Variants in NFIB observed in about 807,000 individuals in gnomAD.
NFIB encodes nuclear factor I B.
In NFIB, 11 loss-of-function variants were observed where a neutral mutation model predicts 61.5. The ratio of observed to expected loss-of-function variants is 0.18; its 90% CI spans 0.11 to 0.30. The LOEUF (loss-of-function observed/expected upper bound fraction) is 0.30, where lower values mean the gene tolerates loss of function less well. Ranked by LOEUF, NFIB falls within the 10% of genes least tolerant of loss-of-function variation. The pLI, the probability that NFIB is intolerant of heterozygous loss-of-function variation, is 1.00. For missense variants in NFIB, 471 were observed against 608.9 expected (o/e 0.77, Z 2.38); for synonymous variants, 260 against 216.5 (o/e 1.20, Z -1.76).
chr9:14,245,682 G>A (rs565865188), intron 2 of NFIB, among the ~76,000 whole-genome samples: 5 of 152,032 alleles, frequency 3.3e-5, no homozygotes, highest in African/African-American at 1.2e-4. Flanking sequence ...AGACCAACCT[G>A]GCCAACATGG....
At chr9:14,411,039 A>C in the NFIB span, among the ~76,000 whole-genome samples, 79,039 of 152,026 alleles carry the variant, frequency 0.52, 21,008 homozygotes, top group Admixed American at 0.66. Flanking sequence ...CTTTAAAAAA[A>C]TCTCAATTAG....
chr9:14,397,216 T>C (rs1458804454), intron 1 of NFIB, among the ~76,000 whole-genome samples: 2 of 152,208 alleles, frequency 1.3e-5, no homozygotes, highest in African/African-American at 2.4e-5. Context: ...AAAATTGCTG[T>C]TGTCATGTTC....
intron 1 of NFIB, among the ~76,000 whole-genome samples, chr9:14,352,370 C>T (rs547332626): frequency 1.2e-4 from 18 of 151,782 alleles, no homozygotes; most frequent in Non-Finnish European, 2.2e-4. Context: ...TACCTGTCTC[C>T]GGGCTCAGCA....
In NFIB at chr9:14,083,061, T is replaced by C. The variant is rs912313591; in HGVS notation, c.*5248A>G. On this transcript the variant is annotated 3_prime_UTR_variant, in exon 11 of 11. Coordinates refer to ENST00000380953, the MANE Select transcript of NFIB (RefSeq NM_001190737.2). ...ACATTTGAATTGCAACACACAGATA[T>C]TTCTAGAGTATTAACTAGTGAACCC... The C allele has an allele frequency of 4.8e-6, 1 of 208,164 alleles. No individual in the cohort carries two copies. Among genetic ancestry groups the C allele is most frequent in the Non-Finnish European group, 9.7e-6 (1 of 103,166 alleles). 12.9% of individuals were successfully genotyped at this position (208,164 alleles called of 1,614,324 possible).
chr9:14,484,485 T>A, the NFIB span, among the ~76,000 whole-genome samples: 2 of 152,232 alleles, frequency 1.3e-5, no homozygotes, highest in African/African-American at 2.4e-5. Context: ...CTGCAAAATA[T>A]GTGTTTTTAT....
chr9:14,121,917 A>C (rs968461126), intron 7 of NFIB, among the ~76,000 whole-genome samples: 11 of 151,964 alleles, frequency 7.2e-5, no homozygotes, highest in Non-Finnish European at 1.3e-4. Flanking sequence ...AAAGAGTGTA[A>C]TCGTATGATC....
intron 2 of NFIB, among the ~76,000 whole-genome samples, chr9:14,245,514 G>A (rs188286607): frequency 2.6e-5 from 4 of 151,764 alleles, no homozygotes; most frequent in Admixed American, 2.6e-4. Flanking sequence ...TTGCTCTCAA[G>A]GTTCTTCAAG....
chr9:14,223,706 T>C (rs2052003882), intron 2 of NFIB, among the ~76,000 whole-genome samples: 1 of 152,160 alleles, frequency 6.6e-6, no homozygotes, highest in Admixed American at 6.5e-5. Context: ...TAGAGGCCAA[T>C]CTAATTTCAA....
At chr9:14,481,195 G>GTATATA in the NFIB span, among the ~76,000 whole-genome samples, 9 of 35,002 alleles carry the variant, frequency 2.6e-4, no homozygotes, top group African/African-American at 7.4e-4. Flanking sequence ...GTGTGTGTGT[G>GTATATA]TGTATATATA....
intron 2 of NFIB, among the ~76,000 whole-genome samples, chr9:14,231,255 T>C (rs1000824123): frequency 6.7e-6 from 1 of 150,214 alleles, no homozygotes; most frequent in Non-Finnish European, 1.5e-5. Context: ...AGAAAAACTA[T>C]TTGCTCCTGA....
intron 1 of NFIB, among the ~76,000 whole-genome samples, chr9:14,391,663 C>T (rs1290422224): frequency 1.3e-5 from 2 of 152,154 alleles, no homozygotes; most frequent in Non-Finnish European, 2.9e-5. Context: ...CATGTGGCCC[C>T]TCCAAAGTGC....
At chr9:14,217,523 G>T (rs1442900087) in intron 2 of NFIB, among the ~76,000 whole-genome samples, 1 of 151,964 alleles carries the variant, frequency 6.6e-6, no homozygotes, top group Non-Finnish European at 1.5e-5. Flanking sequence ...GGCTGGGCGT[G>T]GTGGCGCATG....
At chr9:14,331,505 TGGATATAGCCA>T (rs373212990) in intron 1 of NFIB, among the ~76,000 whole-genome samples, 171 of 152,346 alleles carry the variant, frequency 1.1e-3, no homozygotes, top group African/African-American at 4.0e-3. Context: ...ATTTAAGTTT[TGGATATAGCCA>T]GGATTCATTC....
At chr9:14,373,153 A>T (rs2061378392) in intron 1 of NFIB, among the ~76,000 whole-genome samples, 1 of 152,206 alleles carries the variant, frequency 6.6e-6, no homozygotes, top group Non-Finnish European at 1.5e-5. Flanking sequence ...TTGGAACACC[A>T]AAAGATTCAT....
intron 6 of NFIB, among the ~76,000 whole-genome samples, chr9:14,143,827 T>TA: frequency 6.6e-6 from 1 of 152,226 alleles, no homozygotes; most frequent in East Asian, 1.9e-4. Flanking sequence ...TGCAAATTTT[T>TA]AAAAAGCAAT....
chr9:14,135,029 A>C (rs1325427104), intron 6 of NFIB, among the ~76,000 whole-genome samples: 7 of 152,160 alleles, frequency 4.6e-5, no homozygotes, highest in Non-Finnish European at 1.5e-5. Flanking sequence ...ATTCATAGAA[A>C]TAGAACGCAC....
intron 3 of NFIB, among the ~76,000 whole-genome samples, chr9:14,177,651 T>C (rs1292796187): frequency 6.6e-6 from 1 of 152,124 alleles, no homozygotes; most frequent in Non-Finnish European, 1.5e-5. Context: ...AAAAATAGAA[T>C]CAACGTACGA....
chr9:14,130,976 G>C (rs1393497100), intron 6 of NFIB, among the ~76,000 whole-genome samples: 1 of 152,170 alleles, frequency 6.6e-6, no homozygotes, highest in Non-Finnish European at 1.5e-5. Context: ...AAACCACGTG[G>C]TCCCTGTCTT....
chr9:14,433,044 TA>T, the NFIB span, among the ~76,000 whole-genome samples: 3 of 152,198 alleles, frequency 2.0e-5, no homozygotes, highest in African/African-American at 7.2e-5. Flanking sequence ...AGACAGGGGT[TA>T]GGGGCATTAA....
Sources: gnomAD v4.1 joint callset for allele counts (sites outside exome capture counted in the v4.1 genomes callset) on GRCh38, gnomAD v4.1.1 for gene constraint, MANE v1.5 for transcripts, NCBI Gene and HGNC (gene_info 2026-07-23, HGNC 2026-07-21) for gene names.